Variants in CADPS observed in about 807,000 individuals in gnomAD.
The protein encoded by CADPS is calcium dependent secretion activator.
A neutral mutation model predicts 167.3 loss-of-function variants in CADPS; 57 were observed. The ratio of observed to expected loss-of-function variants is 0.34; its 90% CI spans 0.28 to 0.42. CADPS has a LOEUF of 0.42. Among genes scored for constraint, CADPS ranks in the 20% least tolerant of loss-of-function variants. The pLI, the probability that CADPS is intolerant of heterozygous loss-of-function variation, is 1.00. For synonymous variants in CADPS, 676 were observed against 635.3 expected (o/e 1.06, Z -0.96); for missense variants, 1,414 against 1,738.1 (o/e 0.81, Z 3.32).
chr3:62,424,634 A>G (rs2052246999), intron 28 of CADPS, among the ~76,000 whole-genome samples: 1 of 152,218 alleles, frequency 6.6e-6, no homozygotes, highest in South Asian at 2.1e-4. Context: ...AACATTTACA[A>G]AATTGTTTCA....
At chr3:62,731,167 C>T (rs148408129) in intron 3 of CADPS, among the ~76,000 whole-genome samples, 15 of 152,224 alleles carry the variant, frequency 9.9e-5, no homozygotes, top group African/African-American at 3.1e-4. Context: ...TTTGATTTTA[C>T]TTTATCTGTA....
intron 3 of CADPS, among the ~76,000 whole-genome samples, chr3:62,730,717 T>C (rs1351533733): frequency 2.0e-5 from 3 of 152,214 alleles, no homozygotes; most frequent in Non-Finnish European, 4.4e-5. Context: ...AGAAGTCTCT[T>C]TCTGTTCTTC....
At chr3:62,843,238 T>C (rs2076893991) in intron 1 of CADPS, among the ~76,000 whole-genome samples, 1 of 152,188 alleles carries the variant, frequency 6.6e-6, no homozygotes, top group Non-Finnish European at 1.5e-5. Flanking sequence ...TATTCAAACA[T>C]TTCAGTGAAG....
At chr3:62,424,404 C>T (rs545698616) in intron 28 of CADPS, among the ~76,000 whole-genome samples, 3 of 152,126 alleles carry the variant, frequency 2.0e-5, no homozygotes, top group South Asian at 2.1e-4. Context: ...AGGATGGTCT[C>T]GATCTCCTGA....
At chr3:62,691,758 C>A (rs1412049383) in intron 3 of CADPS, among the ~76,000 whole-genome samples, 1 of 151,942 alleles carries the variant, frequency 6.6e-6, no homozygotes, top group Non-Finnish European at 1.5e-5. Flanking sequence ...AGCAGGGCAA[C>A]ACACACTGGG....
chr3:62,793,196 G>A (rs1472804356), intron 1 of CADPS, among the ~76,000 whole-genome samples: 1 of 152,142 alleles, frequency 6.6e-6, no homozygotes, highest in African/African-American at 2.4e-5. Context: ...AATGCCAAGT[G>A]ACAACAAGTA....
intron 6 of CADPS, among the ~76,000 whole-genome samples, chr3:62,634,604 G>A (rs1165428734): frequency 6.6e-6 from 1 of 152,164 alleles, no homozygotes; most frequent in Non-Finnish European, 1.5e-5. Flanking sequence ...CAAGATCACT[G>A]AGCATGCGCA....
chr3:62,555,443 G>A (rs893503957), intron 10 of CADPS, among the ~76,000 whole-genome samples: 4 of 152,222 alleles, frequency 2.6e-5, no homozygotes, highest in Non-Finnish European at 5.9e-5. Context: ...ATGCAGCTAT[G>A]CTTTACTGCA....
At chr3:62,669,611 C>G (rs2150726622) in intron 3 of CADPS, among the ~76,000 whole-genome samples, 1 of 152,322 alleles carries the variant, frequency 6.6e-6, no homozygotes, top group South Asian at 2.1e-4. Context: ...CTCCACTGTC[C>G]AAGTTCAAAT....
chr3:62,571,970 C>T (rs2081370164), intron 8 of CADPS, among the ~76,000 whole-genome samples: 1 of 152,122 alleles, frequency 6.6e-6, no homozygotes, highest in Non-Finnish European at 1.5e-5. Context: ...ATTTTTCAGG[C>T]TCTATCCAAC....
intron 18 of CADPS, among the ~76,000 whole-genome samples, chr3:62,496,683 C>T (rs1466615853): frequency 6.6e-6 from 1 of 152,180 alleles, no homozygotes; most frequent in Non-Finnish European, 1.5e-5. Context: ...AGAAGTTATA[C>T]TGGAAGAGAA....
In CADPS at chr3:62,475,872, A is replaced by G. The variant is rs370051523; in HGVS notation, c.3330-1552T>C. ...GCCCAATTTGAGAAATGGAAATGCT[A>G]AATTGCTCCCTTCCAATGAAGTAAT... On this transcript the variant is annotated intron_variant, in intron 23 of 29. Transcript: ENST00000383710. Among the ~76,000 whole-genome samples, 95 of 152,278 alleles carry G rather than the reference A, an allele frequency of 6.2e-4. 1 individual carries two copies. Among genetic ancestry groups the G allele is most frequent in the African/African-American group, 2.2e-3 (92 of 41,556 alleles).
At chr3:62,867,790 C>T (rs2081974218) in intron 1 of CADPS, among the ~76,000 whole-genome samples, 1 of 147,920 alleles carries the variant, frequency 6.8e-6, no homozygotes, top group Non-Finnish European at 1.5e-5. Context: ...TTACACATTC[C>T]AGATATTATT....
chr3:62,499,438 T>C (rs1223873232), intron 17 of CADPS, 170 bp from the exon 18 acceptor site: 2 of 498,682 alleles, frequency 4.0e-6, no homozygotes. Context: ...AGCCATTTTA[T>C]TATTATCACC....
chr3:62,481,643 G>T, intron 22 of CADPS, 80 bp downstream of exon 22: 1 of 1,246,638 alleles, frequency 8.0e-7, no homozygotes, highest in Non-Finnish European at 1.1e-6. Flanking sequence ...TGTTATATAG[G>T]ATGTATAGAA....
chr3:62,549,467 T>C (rs2076996557), intron 11 of CADPS, among the ~76,000 whole-genome samples: 1 of 141,732 alleles, frequency 7.1e-6, no homozygotes, highest in Non-Finnish European at 1.5e-5. Flanking sequence ...TTTTTTTCGC[T>C]GCATGTGATA....
chr3:62,662,680 T>C (rs1191328564), intron 3 of CADPS, among the ~76,000 whole-genome samples: 1 of 152,174 alleles, frequency 6.6e-6, no homozygotes, highest in African/African-American at 2.4e-5. Context: ...TGAGGACCAA[T>C]GCACACTTCT....
chr3:62,399,564 A>G lies in CADPS; in HGVS notation c.3904T>C (p.Leu1302=), dbSNP rs761661755. ...MVKKTYRDFR[L]QGVLDSTLNS... ...AAGGTGGAGTCCAGGACCCCTTGCAATCGGAAATCTCTGTAGGTTTTCTAA... is the reference window on the plus strand; with the variant it reads ...AAGGTGGAGTCCAGGACCCCTTGCAGTCGGAAATCTCTGTAGGTTTTCTAA... Residue 1302 remains leucine, a synonymous_variant, in exon 30 of 30, where the codon TTG becomes CTG. Transcript: ENST00000383710. This position sits in a 1 kb window ranked among gnomAD's most constrained non-coding sequence, Gnocchi z 5.6. 1.2e-6 allele frequency: 2 copies of G among 1,614,010 alleles called. No individual in the cohort carries two copies. Among genetic ancestry groups the G allele is most frequent in the Admixed American group, 1.7e-5 (1 of 60,010 alleles).
intron 1 of CADPS, among the ~76,000 whole-genome samples, chr3:62,808,143 G>T (rs540943744): frequency 5.3e-5 from 8 of 152,166 alleles, no homozygotes; most frequent in Admixed American, 3.3e-4. Context: ...AAAGTGCTGG[G>T]ATTACAGGTA....
Sources: gnomAD v4.1 joint callset for allele counts (sites outside exome capture counted in the v4.1 genomes callset) on GRCh38, gnomAD v4.1.1 for gene constraint, Gnocchi (gnomAD v3.1) non-coding constraint, MANE v1.5 for transcripts, NCBI Gene and HGNC (gene_info 2026-07-23, HGNC 2026-07-21) for gene names.